Variants in SFI1 observed in about 807,000 individuals in gnomAD.
The protein encoded by SFI1 is protein SFI1 homolog.
In SFI1, 195 loss-of-function variants were observed where a neutral mutation model predicts 207.5. The observed-to-expected ratio is 0.94, with a 90% CI of 0.84 to 1.06. The LOEUF is 1.06. Ranked by LOEUF, SFI1 falls within the 50% of genes least tolerant of loss-of-function variation. The pLI, the probability that SFI1 is intolerant of heterozygous loss-of-function variation, is 0.00. For missense variants in SFI1, 1,634 were observed against 1,588.0 expected, an observed-to-expected ratio of 1.03 and a Z score of -0.49; for synonymous variants, 630 against 598.9, an observed-to-expected ratio of 1.05 and a Z score of -0.76.
chr22:31,604,257 A>T (rs1603320201), intron 18 of SFI1, 52 bp from the exon 19 acceptor site: 2 of 1,444,106 alleles, frequency 1.4e-6, no homozygotes, highest in Middle Eastern at 1.7e-4. Flanking sequence ...GCAGGAAGCC[A>T]CCCCCAACTC....
intron 15 of SFI1, among the ~76,000 whole-genome samples, chr22:31,600,358 CT>C (rs1319809322): frequency 6.6e-6 from 1 of 152,124 alleles, no homozygotes; most frequent in Non-Finnish European, 1.5e-5. Flanking sequence ...TAAAGATGAT[CT>C]TTTAGTGTTT....
At chr22:31,616,649 A>T in intron 29 of SFI1, 96 bp from the exon 30 acceptor site, 2 of 1,351,552 alleles carry the variant, frequency 1.5e-6, no homozygotes, top group South Asian at 3.0e-5. Context: ...GTCTTCCCCC[A>T]CCCCTGCAGG....
At chr22:31,603,902 T>C (rs989852282) in intron 18 of SFI1, 83 bp downstream of exon 18, 14 of 1,258,112 alleles carry the variant, frequency 1.1e-5, no homozygotes, top group Non-Finnish European at 1.4e-5. Context: ...AGGCAACATA[T>C]GGGCCACACC....
intron 15 of SFI1, among the ~76,000 whole-genome samples, chr22:31,595,158 G>A (rs1434984108): frequency 1.3e-5 from 2 of 151,816 alleles, no homozygotes; most frequent in African/African-American, 2.4e-5. Context: ...CACCACGCCC[G>A]GCTAATTTTT....
chr22:31,542,139 G>C (rs1238258526), intron 4 of SFI1, among the ~76,000 whole-genome samples: 1 of 149,816 alleles, frequency 6.7e-6, no homozygotes, highest in African/African-American at 2.5e-5. Flanking sequence ...CAGTTTAGGA[G>C]CCAGTCTCCT....
At chr22:31,609,686 G>A (rs1025713464) in intron 22 of SFI1, among the ~76,000 whole-genome samples, 1 of 152,180 alleles carries the variant, frequency 6.6e-6, no homozygotes, top group South Asian at 2.1e-4. Flanking sequence ...CATCCCACAC[G>A]GCTGCATTAC....
intron 8 of SFI1, among the ~76,000 whole-genome samples, chr22:31,567,571 G>C (rs130089): frequency 2.0e-5 from 3 of 151,814 alleles, no homozygotes; most frequent in East Asian, 1.9e-4. Context: ...TTTGTGGAGG[G>C]GGGGGGTGTG....
In SFI1 at chr22:31,568,218, A is replaced by G. The variant is rs1294398991; in HGVS notation, c.766-4840A>G. On this transcript the variant is annotated intron_variant, in intron 8 of 32. Transcript: ENST00000400288. ...GTTGTGTGTGTGTGTGTGTATATAT[A>G]TATATATATTTTTTTTTTTTTACCA... Among the ~76,000 whole-genome samples the G allele has an allele frequency of 1.5e-3, 195 of 129,346 alleles. 1 individual carries two copies. The highest frequency in any genetic ancestry group is 5.3e-3 in the African/African-American group (175 of 33,250). 84.9% of individuals were successfully genotyped at this position (129,346 alleles called of 152,430 possible).
intron 8 of SFI1, among the ~76,000 whole-genome samples, chr22:31,566,399 T>A (rs961434448): frequency 3.9e-5 from 6 of 152,214 alleles, no homozygotes; most frequent in African/African-American, 1.4e-4. Context: ...GGCCCCCAGT[T>A]TCTTTTAATT....
chr22:31,523,239 AATG>A (rs2057491346), intron 2 of SFI1, among the ~76,000 whole-genome samples: 1 of 152,166 alleles, frequency 6.6e-6, no homozygotes, highest in East Asian at 1.9e-4. Context: ...CAGTAAATAC[AATG>A]ATATTTTCTT....
chr22:31,559,800 T>C, intron 7 of SFI1: 1 of 717,094 alleles, frequency 1.4e-6, no homozygotes, highest in Admixed American at 1.8e-5. Context: ...GACAAGAAGC[T>C]CCGTGCAGAT....
chr22:31,550,382 C>A lies in SFI1; in HGVS notation c.544+34C>A, dbSNP rs774013229. The A allele has an allele frequency of 5.9e-5, 91 of 1,536,172 alleles. 1 individual carries two copies. Among genetic ancestry groups the A allele is most frequent in the Non-Finnish European group, 5.4e-6 (6 of 1,110,616 alleles). On this transcript the variant is annotated intron_variant, in intron 6 of 32. Transcript: ENST00000400288. The stretch of plus-strand genomic sequence containing the variant: ...AAGAAGTCCATGTCTGAAGAAGATG[C>A]CCACATTTACTTTGCAGAAGGTCAT...
At chr22:31,524,536 G>C (rs1483535964) in intron 2 of SFI1, among the ~76,000 whole-genome samples, 1 of 151,296 alleles carries the variant, frequency 6.6e-6, no homozygotes, top group Non-Finnish European at 1.5e-5. Context: ...TATCCTCTCA[G>C]ATCAGCCTCC....
At chr22:31,584,635 G>GTT (rs2064783106) in intron 13 of SFI1, among the ~76,000 whole-genome samples, 2 of 152,004 alleles carry the variant, frequency 1.3e-5, no homozygotes, top group South Asian at 4.1e-4. Flanking sequence ...TTTTTAATGA[G>GTT]TTAGTGAGAA....
At chr22:31,499,525 T>C (rs2146302768) in intron 1 of SFI1, among the ~76,000 whole-genome samples, 1 of 152,276 alleles carries the variant, frequency 6.6e-6, no homozygotes, top group Middle Eastern at 3.4e-3. Flanking sequence ...GTGAACATTG[T>C]TGAAATGACA....
rs988876148 is a variant in SFI1, at chr22:31,585,615, A to G, written c.1413+481A>G. ...CCATTTAAGAAATACTTATTGAGCA[A>G]CTGCTGTTCTTCAGACACTGCACTA... On this transcript the variant is annotated intron_variant, in intron 14 of 32. Coordinates refer to ENST00000400288, the MANE Select transcript of SFI1 (RefSeq NM_001007467.3). Among the ~76,000 whole-genome samples, 8 of 152,322 alleles carry G rather than the reference A, an allele frequency of 5.3e-5. No individual in the cohort carries two copies. In the East Asian group the frequency reaches 1.2e-3, roughly 22 times the overall value.
Position 31,585,116 on chromosome 22 carries a change from G to A in SFI1, c.1395G>A (p.Gln465=), listed in dbSNP as rs1235547284. 2 of 1,613,968 alleles carry A rather than the reference G, an allele frequency of 1.2e-6. No homozygotes were observed. The highest frequency in any genetic ancestry group is 2.7e-5 in the African/African-American group (2 of 74,920). The change falls in exon 14 of 33, where the codon CAG becomes CAA. Residue 465 remains glutamine (Q), a synonymous_variant. Transcript: ENST00000400288. The stretch of plus-strand genomic sequence containing the variant: ...TCGAATTGTGGCTACAGTATACTCA[G>A]AAGAGGCGGTACAAGCAGGTATGGA... ...KCIELWLQYT[Q]KRRYKQLLQA...
At chr22:31,531,024 T>A (rs763017101) in intron 3 of SFI1, 34 bp from the exon 4 acceptor site, 2 of 1,586,438 alleles carry the variant, frequency 1.3e-6, no homozygotes, top group Non-Finnish European at 1.7e-6. Context: ...AATGGAATTT[T>A]AAAATATGTA....
At position 31,546,919 on chromosome 22, in the gene SFI1, T is replaced by C. The variant is rs751965480; in HGVS notation, c.397T>C (p.Trp133Arg). 46 of 1,612,110 alleles carry C rather than the reference T, an allele frequency of 2.9e-5. No individual in the cohort carries two copies. The highest frequency in any genetic ancestry group is 2.9e-5 in the Non-Finnish European group (34 of 1,179,282). The change falls in exon 5 of 33, where the codon TGG (tryptophan) becomes CGG (arginine). Residue 133 changes from tryptophan to arginine, a missense_variant. By Grantham distance (101) the Trp-to-Arg change is moderately radical. Coordinates refer to ENST00000400288, the MANE Select transcript of SFI1 (RefSeq NM_001007467.3). ...KVFEEWKEEW[W>R]VFQHEWKLCV... ...CTTCGAAGAATGGAAAGAGGAGTGG[T>C]GGGTTTTCCAGCACGAGTGGAAACT...
Sources: allele counts gnomAD v4.1 joint callset (sites outside exome capture counted in the v4.1 genomes callset), GRCh38; gene constraint gnomAD v4.1.1; transcripts MANE v1.5; gene names NCBI Gene and HGNC (gene_info 2026-07-23, HGNC 2026-07-21).